The following CPNE8 variants were observed in gnomAD, a reference collection of about 807,000 sequenced individuals.
CPNE8 encodes copine 8.
A neutral mutation model predicts 81.5 loss-of-function variants in CPNE8; 45 were observed. That is an observed-to-expected ratio of 0.55 (90% confidence interval 0.44 to 0.71). The LOEUF (loss-of-function observed/expected upper bound fraction) is 0.71, where lower values mean the gene tolerates loss of function less well. Ranked by LOEUF, CPNE8 falls within the 30% of genes least tolerant of loss-of-function variation. The pLI is 0.00. For missense variants in CPNE8, 594 were observed against 672.1 expected, an observed-to-expected ratio of 0.88 and a Z score of 1.28; for synonymous variants, 252 against 226.3, an observed-to-expected ratio of 1.11 and a Z score of -1.02.
chr12:38,761,609 G>A (rs1185403015), intron 9 of CPNE8, among the ~76,000 whole-genome samples: 2 of 152,094 alleles, frequency 1.3e-5, no homozygotes, highest in Non-Finnish European at 2.9e-5. Flanking sequence ...CTTTTGGGAT[G>A]GATGGGGTTT....
At chr12:38,670,231 CCTT>C (rs1263690143) in intron 19 of CPNE8, among the ~76,000 whole-genome samples, 2 of 152,096 alleles carry the variant, frequency 1.3e-5, no homozygotes, top group African/African-American at 4.8e-5. Context: ...GGTACTGAGA[CCTT>C]CTTCCTTTTC....
intron 6 of CPNE8, among the ~76,000 whole-genome samples, chr12:38,787,078 G>A (rs1025660428): frequency 1.8e-4 from 27 of 152,038 alleles, no homozygotes; most frequent in South Asian, 6.2e-4. Flanking sequence ...AGCAACATTG[G>A]ACTTAATCTA....
At chr12:38,906,280 A>G (rs1462026948), upstream of CPNE8, 2 of 984,806 alleles carry the variant, frequency 2.0e-6, no homozygotes. Context: ...ACGCTCTCCA[A>G]CCTTGGAACA....
In CPNE8 at chr12:38,904,468, TTG is replaced by T. The variant is rs1491077609; in HGVS notation, c.98+967_98+968del. Among the ~76,000 whole-genome samples, 28 of 132,532 alleles carry T rather than the reference TTG, an allele frequency of 2.1e-4. 1 individual carries two copies. Among genetic ancestry groups the T allele is most frequent in the Admixed American group, 8.5e-4 (10 of 11,812 alleles). The allele number at this position is 132,532 out of a possible 152,430, so 86.9% of individuals were successfully genotyped here. Reference sequence around the variant, plus strand: ...GACAGGGTTGAAAGTCAGTTTTTTTTTGTTTTTTTTTTTTTTTTGAGATGGAG... The same window carrying T: ...GACAGGGTTGAAAGTCAGTTTTTTTTTTTTTTTTTTTTTTTTGAGATGGAG... On this transcript the variant is annotated intron_variant, in intron 1 of 19. Transcript: ENST00000331366.
intron 6 of CPNE8, among the ~76,000 whole-genome samples, chr12:38,782,577 T>C (rs907536204): frequency 6.6e-6 from 1 of 152,090 alleles, no homozygotes; most frequent in Non-Finnish European, 1.5e-5. Flanking sequence ...ACCTAGAATA[T>C]GAAACAGAAA....
chr12:38,742,229 G>A (rs887157077), intron 10 of CPNE8, among the ~76,000 whole-genome samples: 3 of 152,220 alleles, frequency 2.0e-5, no homozygotes, highest in African/African-American at 7.2e-5. Flanking sequence ...GCACATACAT[G>A]TATGTTTATT....
At chr12:38,887,378 G>A (rs930621505) in intron 1 of CPNE8, among the ~76,000 whole-genome samples, 7 of 152,216 alleles carry the variant, frequency 4.6e-5, no homozygotes, top group South Asian at 2.1e-4. Flanking sequence ...TCCATCTTAC[G>A]TAAGTCATTG....
At position 38,829,182 on chromosome 12, in the gene CPNE8, T is replaced by A. The variant is rs190518214; in HGVS notation, c.407+197A>T. ...ATTTGCTCATTTCATCTTGTGAAAA[T>A]TTTTTAGCATAGCATATGACAGGTG... On this transcript the variant is annotated intron_variant, in intron 6 of 19. Coordinates refer to ENST00000331366, the MANE Select transcript of CPNE8 (RefSeq NM_153634.3). Among the ~76,000 whole-genome samples, 17 of 152,290 alleles carry A rather than the reference T, an allele frequency of 1.1e-4. No homozygotes were observed. The East Asian group carries it at 3.3e-3, about 29-fold the overall frequency.
chr12:38,710,357 A>C (rs1157864499), intron 13 of CPNE8, among the ~76,000 whole-genome samples: 1 of 149,936 alleles, frequency 6.7e-6, no homozygotes, highest in East Asian at 2.0e-4. Context: ...GGTGCCAGAG[A>C]GGTAATGCCT....
chr12:38,835,946 A>G (rs1943372566), intron 5 of CPNE8, among the ~76,000 whole-genome samples: 1 of 152,156 alleles, frequency 6.6e-6, no homozygotes. Flanking sequence ...TGTCTGTATG[A>G]AAATTTAGTA....
intron 6 of CPNE8, among the ~76,000 whole-genome samples, chr12:38,796,566 C>A (rs1429343948): frequency 2.0e-5 from 3 of 152,070 alleles, no homozygotes; most frequent in African/African-American, 4.8e-5. Context: ...AGGGAGGCAG[C>A]CAAGATGGCC....
At chr12:38,776,603 C>A (rs1233712992) in intron 6 of CPNE8, among the ~76,000 whole-genome samples, 1 of 152,012 alleles carries the variant, frequency 6.6e-6, no homozygotes, top group Non-Finnish European at 1.5e-5. Flanking sequence ...AGCTACCACA[C>A]CCGGCCCTCA....
intron 1 of CPNE8, among the ~76,000 whole-genome samples, chr12:38,892,203 C>T (rs945217454): frequency 3.3e-5 from 5 of 152,118 alleles, no homozygotes; most frequent in African/African-American, 1.2e-4. Flanking sequence ...GGGATTAACA[C>T]CTAGTCCACT....
chr12:38,657,311 A>G (rs762332706), intron 19 of CPNE8, among the ~76,000 whole-genome samples: 1 of 152,160 alleles, frequency 6.6e-6, no homozygotes, highest in South Asian at 2.1e-4. Flanking sequence ...GCGAGGCTGC[A>G]GCCTGGTGGG....
intron 15 of CPNE8, among the ~76,000 whole-genome samples, chr12:38,687,919 TAA>T (rs2136663085): frequency 6.6e-6 from 1 of 152,332 alleles, no homozygotes; most frequent in East Asian, 1.9e-4. Context: ...ATGTAAAAGA[TAA>T]GTTTAATATT....
At chr12:38,721,770 T>A (rs934826336) in intron 13 of CPNE8, among the ~76,000 whole-genome samples, 4 of 152,196 alleles carry the variant, frequency 2.6e-5, no homozygotes, top group African/African-American at 9.7e-5. Context: ...CTGCAGTGCC[T>A]AGCATCTTCA....
At chr12:38,708,872 C>T (rs897238710) in intron 13 of CPNE8, among the ~76,000 whole-genome samples, 4 of 152,192 alleles carry the variant, frequency 2.6e-5, no homozygotes, top group Non-Finnish European at 1.5e-5. Flanking sequence ...AGAGAACTAA[C>T]AAAACTGTGA....
At chr12:38,820,283 T>C (rs928673249) in intron 6 of CPNE8, among the ~76,000 whole-genome samples, 2 of 151,968 alleles carry the variant, frequency 1.3e-5, no homozygotes, top group Admixed American at 1.3e-4. Context: ...TGTGCACCTA[T>C]AATCCTGGCT....
chr12:38,898,370 T>C (rs978853052), intron 1 of CPNE8, among the ~76,000 whole-genome samples: 16 of 152,068 alleles, frequency 1.1e-4, no homozygotes, highest in African/African-American at 3.1e-4. Context: ...GTTCAGAAAG[T>C]TCCCAGGACA....
Sources: allele counts gnomAD v4.1 joint callset (sites outside exome capture counted in the v4.1 genomes callset), GRCh38; gene constraint gnomAD v4.1.1; transcripts MANE v1.5; gene names NCBI Gene and HGNC (gene_info 2026-07-23, HGNC 2026-07-21).